Variants in ARMC9 observed in about 807,000 individuals in gnomAD.
The protein encoded by ARMC9 is lisH domain-containing protein ARMC9.
ARMC9 carries 94 observed loss-of-function variants against 107.0 expected under a neutral mutation model. The observed-to-expected ratio is 0.88, with a 90% CI of 0.74 to 1.04. The LOEUF (loss-of-function observed/expected upper bound fraction) is 1.04, where lower values mean the gene tolerates loss of function less well. Ranked by LOEUF, ARMC9 falls within the 50% of genes least tolerant of loss-of-function variation. The pLI is 0.00. For missense variants in ARMC9, 942 were observed against 1,030.1 expected (o/e 0.91, Z 1.17); for synonymous variants, 380 against 396.9 (o/e 0.96, Z 0.51).
intron 17 of ARMC9, 98 bp from the exon 18 acceptor site, chr2:231,291,254 CA>C: frequency 5.2e-6 from 5 of 959,154 alleles, no homozygotes; most frequent in Non-Finnish European, 8.2e-6. Context: ...TTCCTCTCCC[CA>C]AAACATTATT....
rs559178409 is a variant in ARMC9 at position 231,281,081 on chromosome 2, T to G, written c.1552-978T>G. ...GCTTATCAGCACCTGCCATGCTCCA[T>G]GTCCCATGTGTGCAAGTAAAACATG... On this transcript the variant is annotated intron_variant, in intron 16 of 24. Transcript: ENST00000611582. 5.3e-5 allele frequency among the ~76,000 whole-genome samples: 8 copies of G among 152,324 alleles called. No homozygotes were observed. The East Asian group carries it at 1.5e-3, about 29-fold the overall frequency.
chr2:231,274,679 C>T (rs577461230), intron 14 of ARMC9, among the ~76,000 whole-genome samples: 6 of 152,160 alleles, frequency 3.9e-5, no homozygotes, highest in Admixed American at 3.9e-4. Context: ...TTTTTTCTGT[C>T]GGTCCTCTTC....
At chr2:231,324,054 A>G (rs1042264472) in intron 19 of ARMC9, among the ~76,000 whole-genome samples, 3 of 152,006 alleles carry the variant, frequency 2.0e-5, no homozygotes, top group African/African-American at 7.3e-5. Context: ...GAACAAATGC[A>G]GAAACTGTCC....
chr2:231,202,136 A>G (rs1220460946), intron 1 of ARMC9, among the ~76,000 whole-genome samples: 1 of 150,816 alleles, frequency 6.6e-6, no homozygotes. Flanking sequence ...AGTAGCTGGG[A>G]TTACAGGTGC....
chr2:231,272,833 C>T (rs921635840), intron 13 of ARMC9, 122 bp from the exon 14 acceptor site: 1 of 1,314,476 alleles, frequency 7.6e-7, no homozygotes, highest in African/African-American at 1.5e-5. Context: ...TTTTTTAGAA[C>T]ATAAAATTAC....
intron 19 of ARMC9, among the ~76,000 whole-genome samples, chr2:231,299,560 G>T (rs928961574): frequency 2.0e-5 from 3 of 152,170 alleles, no homozygotes; most frequent in Admixed American, 6.5e-5. Flanking sequence ...TGGATTGAGG[G>T]CCAGGTGGGA....
At chr2:231,313,187 A>G (rs78834177) in intron 19 of ARMC9, among the ~76,000 whole-genome samples, 32 of 152,320 alleles carry the variant, frequency 2.1e-4, no homozygotes, top group African/African-American at 2.9e-4. Context: ...TTGTAATTCT[A>G]TCATCCAACA....
Position 231,355,706 on chromosome 2 carries a change from C to T in ARMC9, c.1995-92C>T, listed in dbSNP as rs1391738311. On this transcript the variant is annotated intron_variant, in intron 21 of 24. Coordinates refer to ENST00000611582, the MANE Select transcript of ARMC9 (RefSeq NM_001352754.2). The stretch of plus-strand genomic sequence containing the variant: ...TTTAACAAGACTTTGAGGCACCGCC[C>T]CCTCCTGTATTTGTGATGCTGCAGT... 6.5e-6 allele frequency: 9 copies of T among 1,394,928 alleles called. No individual in the cohort carries two copies. In the Admixed American group the frequency reaches 1.8e-4, roughly 28 times the overall value. The allele number at this position is 1,394,928 out of a possible 1,614,324, so 86.4% of individuals were successfully genotyped here.
At chr2:231,248,927 C>G (rs542144250) in intron 9 of ARMC9, among the ~76,000 whole-genome samples, 2 of 151,590 alleles carry the variant, frequency 1.3e-5, no homozygotes, top group African/African-American at 4.8e-5. Context: ...GATATTGCCT[C>G]AAGGGTTCCA....
Position 231,276,681 on chromosome 2 carries a change from G to A in ARMC9, c.1380G>A (p.Trp460Ter). The A allele has an allele frequency of 1.2e-6, 2 of 1,614,150 alleles. No homozygotes were observed. The highest frequency in any genetic ancestry group is 2.2e-5 in the East Asian group (1 of 44,874). The change falls in exon 15 of 25, where the codon TGG becomes TGA. Residue 460 changes from tryptophan to a stop codon, truncating the protein, a stop_gained. Transcript: ENST00000611582. LOFTEE classifies it high-confidence loss of function. ...TGATTCAAGACGGCCTCATCTTCTGGCTGGTTGATGTTCTGAAGGACCCTG... is the reference window on the plus strand; with the variant it reads ...TGATTCAAGACGGCCTCATCTTCTGACTGGTTGATGTTCTGAAGGACCCTG... Reference protein sequence around the residue: ...TAMIQDGLIFWLVDVLKDPDC... With the variant: ...TAMIQDGLIF
At chr2:231,326,555 G>A (rs2043330923) in intron 19 of ARMC9, among the ~76,000 whole-genome samples, 1 of 152,142 alleles carries the variant, frequency 6.6e-6, no homozygotes, top group South Asian at 2.1e-4. Flanking sequence ...CTTTTCTTAG[G>A]ACAGCCCATC....
rs1164074041 is a variant in ARMC9, at chr2:231,358,934, G to A, written c.2132-1820G>A. Among the ~76,000 whole-genome samples, 3 of 152,080 alleles carry A rather than the reference G, an allele frequency of 2.0e-5. No individual in the cohort carries two copies. The highest frequency in any genetic ancestry group is 7.2e-5 in the African/African-American group (3 of 41,394). ...TCAATATCAAAATCACATGCCTTGG[G>A]ACTTCATAGCCCTGGGAGTTAAAAT... On this transcript the variant is annotated intron_variant, in intron 22 of 24. Transcript: ENST00000611582. This position sits in a 1 kb window ranked among gnomAD's most constrained non-coding sequence, Gnocchi z 4.5.
At chr2:231,286,524 G>A (rs1179463754) in intron 17 of ARMC9, among the ~76,000 whole-genome samples, 1 of 152,128 alleles carries the variant, frequency 6.6e-6, no homozygotes. Context: ...TTTTCTTCTG[G>A]TTGTTGATGC....
chr2:231,298,795 A>T (rs1385476707), intron 19 of ARMC9, among the ~76,000 whole-genome samples: 1 of 152,144 alleles, frequency 6.6e-6, no homozygotes, highest in African/African-American at 2.4e-5. Flanking sequence ...TAGCTGGTTC[A>T]TGGTGGCGTG....
At chr2:231,331,346 C>T (rs978395179) in intron 19 of ARMC9, among the ~76,000 whole-genome samples, 1 of 152,120 alleles carries the variant, frequency 6.6e-6, no homozygotes, top group African/African-American at 2.4e-5. Context: ...ACGGTGCTGC[C>T]CTTTTTGCTG....
intron 9 of ARMC9, among the ~76,000 whole-genome samples, chr2:231,245,307 G>A (rs924299904): frequency 1.3e-5 from 2 of 152,214 alleles, no homozygotes; most frequent in African/African-American, 4.8e-5. Flanking sequence ...GGGCACAAGA[G>A]GCTGAGTTTT....
chr2:231,251,114 A>G (rs1241622940), intron 9 of ARMC9, among the ~76,000 whole-genome samples: 1 of 152,100 alleles, frequency 6.6e-6, no homozygotes, highest in Non-Finnish European at 1.5e-5. Context: ...AGGACCTGAT[A>G]CTTTGGGAGA....
At chr2:231,266,416 A>G (rs1187527820) in intron 12 of ARMC9, among the ~76,000 whole-genome samples, 1 of 152,216 alleles carries the variant, frequency 6.6e-6, no homozygotes, top group East Asian at 1.9e-4. Flanking sequence ...TTTTTAGCTG[A>G]ATTCTTAGTT....
intron 6 of ARMC9, among the ~76,000 whole-genome samples, chr2:231,224,341 A>C (rs2034444145): frequency 6.6e-6 from 1 of 152,170 alleles, no homozygotes; most frequent in Non-Finnish European, 1.5e-5. Flanking sequence ...AGTCCCAGCT[A>C]TCTGGGGGAG....
Sources: allele counts gnomAD v4.1 joint callset (sites outside exome capture counted in the v4.1 genomes callset), GRCh38; gene constraint gnomAD v4.1.1; non-coding constraint Gnocchi (gnomAD v3.1); transcripts MANE v1.5; gene names NCBI Gene and HGNC (gene_info 2026-07-23, HGNC 2026-07-21).